USF3: variants seen among roughly 807,000 people sequenced by gnomAD.
The protein encoded by USF3 is upstream transcription factor family member 3.
Under a neutral mutation model 157.5 loss-of-function variants are expected in USF3, and 29 were observed. That is an observed-to-expected ratio of 0.18 (90% CI 0.14 to 0.25). The LOEUF is 0.25. USF3 is among the 10% of genes least tolerant of loss of function. The pLI is 1.00. For synonymous variants in USF3, 893 were observed against 941.4 expected, an observed-to-expected ratio of 0.95 and a Z score of 0.94; for missense variants, 2,381 against 2,667.6, an observed-to-expected ratio of 0.89 and a Z score of 2.37.
In USF3 at chr3:113,654,647, A is replaced by T. The variant is rs1220348288; in HGVS notation, c.*297T>A. 2 of 357,878 alleles carry T rather than the reference A, an allele frequency of 5.6e-6. No individual in the cohort carries two copies. The highest frequency in any genetic ancestry group is 8.9e-5 in the Admixed American group (2 of 22,430). The allele number at this position is 357,878 out of a possible 1,614,324, so 22.2% of individuals were successfully genotyped here. ...GCTCCCTCCTACTACCCAGTACATG[A>T]CAAGATGATCTCCCCCAATTTCCAG... On this transcript the variant is annotated 3_prime_UTR_variant, in exon 7 of 7. Transcript: ENST00000316407.
At chr3:113,671,746 C>CT (rs1413437029) in intron 4 of USF3, among the ~76,000 whole-genome samples, 1 of 145,160 alleles carries the variant, frequency 6.9e-6, no homozygotes, top group African/African-American at 2.5e-5. Context: ...TTCTTTTCTC[C>CT]TTTTTTCTTT....
In USF3 at chr3:113,658,331, T is replaced by C. The variant is rs774685831; in HGVS notation, c.3351A>G (p.Thr1117=). The C allele has an allele frequency of 2.0e-5, 33 of 1,614,106 alleles. No homozygotes were observed. The highest frequency in any genetic ancestry group is 2.7e-5 in the Non-Finnish European group (32 of 1,180,042). Residue 1117 remains threonine, a synonymous_variant, in exon 7 of 7, where the codon ACA becomes ACG. Transcript: ENST00000316407. The part of the protein sequence containing the change: ...TTREDVTSNA[T]TNTCDSCTFV... ...AGGTACAGCTGTCACATGTATTAGT[T>C]GTTGCATTGCTGGTCACATCTTCTC... is the stretch of plus-strand genomic sequence containing the variant.
rs1460855131 is a variant in USF3 at position 113,660,379 on chromosome 3, T to G, written c.1303A>C (p.Thr435Pro). Residue 435 changes from threonine (T) to proline (P), a missense_variant, in exon 7 of 7, where the codon ACT becomes CCT. Coordinates refer to ENST00000316407, the MANE Select transcript of USF3 (RefSeq NM_001009899.4). ...ATAGTGTTTCCTGCCAGTTGCAAAG[T>G]AGTCCACGTTGTCTGTGTGTTTCCA... ...SAGNTQTTWT[T>P]LQLAGNTIQP... is the part of the protein sequence containing the mutation. 1 of 1,614,184 alleles carries G rather than the reference T, an allele frequency of 6.2e-7. No homozygotes were observed. The highest frequency in any genetic ancestry group is 8.5e-7 in the Non-Finnish European group (1 of 1,180,006).
rs774183376 is a variant in USF3, at chr3:113,655,961, T to C, written c.5721A>G (p.Gln1907=). 465 of 1,614,066 alleles carry C rather than the reference T, an allele frequency of 2.9e-4. No homozygotes were observed. The highest frequency in any genetic ancestry group is 5.8e-4 in the Admixed American group (35 of 60,014). ...FSSSSSSGDI[Q]GRNTSPNVSV... is the part of the protein sequence containing the mutation. ...AAACATTGGGGCTTGTGTTTCGACC[T>C]TGAATATCTCCTGAGGAAGAGGAAC... The change falls in exon 7 of 7, where the codon CAA becomes CAG. Residue 1907 remains glutamine, a synonymous_variant. Coordinates refer to ENST00000316407, the MANE Select transcript of USF3 (RefSeq NM_001009899.4).
chr3:113,665,857 G>A (rs1947557321), intron 5 of USF3, among the ~76,000 whole-genome samples: 1 of 151,172 alleles, frequency 6.6e-6, no homozygotes, highest in Non-Finnish European at 1.5e-5. Flanking sequence ...CGAACATACA[G>A]ACAAAAGGAT....
chr3:113,671,763 TCC>T (rs1707157187), intron 4 of USF3, among the ~76,000 whole-genome samples: 1 of 143,202 alleles, frequency 7.0e-6, no homozygotes, highest in African/African-American at 2.6e-5. Flanking sequence ...CTTTTCTTCT[TCC>T]TTTTTTTTTT....
intron 1 of USF3, among the ~76,000 whole-genome samples, chr3:113,686,442 G>C (rs1267156640): frequency 6.6e-6 from 1 of 152,190 alleles, no homozygotes; most frequent in Non-Finnish European, 1.5e-5. Context: ...ACTAGGTACT[G>C]TGATCACTCA....
chr3:113,660,992 G>A lies in USF3; in HGVS notation c.690C>T (p.Ala230=), dbSNP rs1287066795. The A allele has an allele frequency of 6.2e-7, 1 of 1,614,138 alleles. No individual in the cohort carries two copies. The highest frequency in any genetic ancestry group is 8.5e-7 in the Non-Finnish European group (1 of 1,179,998). Reference sequence around the variant, plus strand: ...GCTCGAGAATACTCTGAGCAGAAATGGCAGCAGGAAGACAAAGAGGAACAG... The same window carrying A: ...GCTCGAGAATACTCTGAGCAGAAATAGCAGCAGGAAGACAAAGAGGAACAG... ...NQPVPLCLPA[A]ISAQSILELP... The change falls in exon 7 of 7, where the codon GCC becomes GCT. Residue 230 remains alanine, a synonymous_variant. Coordinates refer to ENST00000316407, the MANE Select transcript of USF3 (RefSeq NM_001009899.4).
intron 1 of USF3, among the ~76,000 whole-genome samples, chr3:113,689,502 T>C (rs534368035): frequency 2.5e-4 from 38 of 152,360 alleles, no homozygotes; most frequent in African/African-American, 9.1e-4. Flanking sequence ...AAGTTAATTA[T>C]TTGATCTGAG....
chr3:113,657,898 G>A lies in USF3; in HGVS notation c.3784C>T (p.Pro1262Ser). 6.2e-7 allele frequency: 1 copy of A among 1,614,178 alleles called. No individual in the cohort carries two copies. Among genetic ancestry groups the A allele is most frequent in the Middle Eastern group, 1.6e-4 (1 of 6,062 alleles). Residue 1262 changes from proline to serine, a missense_variant, in exon 7 of 7, where the codon CCA (proline) becomes TCA (serine). Coordinates refer to ENST00000316407, the MANE Select transcript of USF3 (RefSeq NM_001009899.4). ...HPLASCAGLS[P>S]TSEQTTVPAT... Reference sequence around the variant, plus strand: ...GGCACAGTTGTTTGCTCTGAAGTTGGGGATAAACCCGCACAGCTGGCCAGA... The same window carrying A: ...GGCACAGTTGTTTGCTCTGAAGTTGAGGATAAACCCGCACAGCTGGCCAGA...
rs369410476 is a variant in USF3 at position 113,673,301 on chromosome 3, T to C, written c.76+47A>G. 3.6e-5 allele frequency: 48 copies of C among 1,341,806 alleles called. No homozygotes were observed. In the African/African-American group the frequency reaches 6.8e-4, roughly 19 times the overall value. 83.1% of individuals were successfully genotyped at this position (1,341,806 alleles called of 1,614,324 possible). On this transcript the variant is annotated intron_variant, in intron 4 of 6. Transcript: ENST00000316407. ...TATAATCAACTGCAGTATGATTTCA[T>C]TTTGAATGCAAAAAATGCTAACAGG...
intron 5 of USF3, among the ~76,000 whole-genome samples, chr3:113,667,310 T>C (rs917150721): frequency 5.9e-5 from 9 of 152,214 alleles, no homozygotes; most frequent in African/African-American, 2.2e-4. Context: ...AAAATCTTAG[T>C]TGGCTCTGCT....
chr3:113,681,654 G>T (rs559224151), intron 1 of USF3, among the ~76,000 whole-genome samples: 3 of 145,066 alleles, frequency 2.1e-5, no homozygotes, highest in African/African-American at 7.7e-5. Context: ...CGCCTGCTTC[G>T]GCCTCCCAAA....
At position 113,653,842 on chromosome 3, in the gene USF3, T is replaced by C. The variant is rs1159466087; in HGVS notation, c.*1102A>G. 6.6e-6 allele frequency: 1 copy of C among 152,156 alleles called. No homozygotes were observed. Among genetic ancestry groups the C allele is most frequent in the Admixed American group, 6.5e-5 (1 of 15,268 alleles). 9.4% of individuals were successfully genotyped at this position (152,156 alleles called of 1,614,324 possible). ...CAACAAGAAAAATAACAAATTCATA[T>C]TCTCATTATAATTCTGTTATGAAGG... On this transcript the variant is annotated 3_prime_UTR_variant, in exon 7 of 7. Transcript: ENST00000316407.
intron 2 of USF3, among the ~76,000 whole-genome samples, chr3:113,675,207 C>T (rs1707249868): frequency 6.6e-6 from 1 of 152,024 alleles, no homozygotes; most frequent in African/African-American, 2.4e-5. Context: ...TGAATTTGAG[C>T]AAGAGCTGGA....
At chr3:113,664,480 C>A in intron 5 of USF3, 71 bp from the exon 6 acceptor site, 1 of 782,012 alleles carries the variant, frequency 1.3e-6, no homozygotes, top group Non-Finnish European at 2.1e-6. Flanking sequence ...AAACTTTAAG[C>A]TTTGTCTTTA....
Position 113,657,481 on chromosome 3 carries a change from A to G in USF3, c.4201T>C (p.Leu1401=). 1.2e-6 allele frequency: 2 copies of G among 1,614,142 alleles called. No individual in the cohort carries two copies. Among genetic ancestry groups the G allele is most frequent in the Non-Finnish European group, 1.7e-6 (2 of 1,180,016 alleles). The change falls in exon 7 of 7, where the codon TTA becomes CTA. Residue 1401 remains leucine (L), a synonymous_variant. Transcript: ENST00000316407. Reference sequence around the variant, plus strand: ...ACAAAGTTGTTACTAGGTGGAAATAATCGTGTAAGGCCATCTCCATGAGCT... The same window carrying G: ...ACAAAGTTGTTACTAGGTGGAAATAGTCGTGTAAGGCCATCTCCATGAGCT... ...NPAHGDGLTR[L]FPPSNNFVTP...
At chr3:113,679,931 AAC>A (rs1165499221) in intron 1 of USF3, among the ~76,000 whole-genome samples, 1 of 151,890 alleles carries the variant, frequency 6.6e-6, no homozygotes, top group Non-Finnish European at 1.5e-5. Flanking sequence ...GTGAATTTGT[AAC>A]AGAGTTTATG....
At chr3:113,680,472 C>A (rs1199624895) in intron 1 of USF3, among the ~76,000 whole-genome samples, 1 of 151,718 alleles carries the variant, frequency 6.6e-6, no homozygotes, top group Admixed American at 6.6e-5. Flanking sequence ...TTATTTGGGT[C>A]TCCTCTTTAT....
Sources: allele counts gnomAD v4.1 joint callset (sites outside exome capture counted in the v4.1 genomes callset), GRCh38; gene constraint gnomAD v4.1.1; transcripts MANE v1.5; gene names NCBI Gene and HGNC (gene_info 2026-07-23, HGNC 2026-07-21).